CNTN5: variants seen among roughly 807,000 people sequenced by gnomAD.
CNTN5 encodes contactin-5.
In CNTN5, 77 loss-of-function variants were observed where a neutral mutation model predicts 129.1. That is an observed-to-expected ratio of 0.60 (90% CI 0.50 to 0.72). The LOEUF (loss-of-function observed/expected upper bound fraction) is 0.72. Among genes scored for constraint, CNTN5 ranks in the 30% least tolerant of loss-of-function variants. CNTN5 has a pLI of 0.00. For synonymous variants in CNTN5, 509 were observed against 465.6 expected (o/e 1.09, Z -1.20); for missense variants, 1,478 against 1,328.8 (o/e 1.11, Z -1.75).
At chr11:99,309,172 T>C in intron 1 of CNTN5, among the ~76,000 whole-genome samples, 1 of 152,022 alleles carries the variant, frequency 6.6e-6, no homozygotes, top group Admixed American at 6.6e-5. Context: ...TATCAGTCAC[T>C]TTTTCTTTTT....
At chr11:99,515,505 G>A (rs565748291) in intron 2 of CNTN5, among the ~76,000 whole-genome samples, 5 of 152,084 alleles carry the variant, frequency 3.3e-5, no homozygotes, top group East Asian at 1.9e-4. Context: ...TCATGCCTGC[G>A]TTGAGATTCT....
At chr11:99,689,265 C>T (rs924879969) in intron 3 of CNTN5, among the ~76,000 whole-genome samples, 3 of 151,954 alleles carry the variant, frequency 2.0e-5, no homozygotes, top group Non-Finnish European at 4.4e-5. Flanking sequence ...TGGTGGCTCA[C>T]GCCTGTAATC....
intron 20 of CNTN5, among the ~76,000 whole-genome samples, chr11:100,299,892 T>C (rs1951181172): frequency 6.6e-6 from 1 of 151,506 alleles, no homozygotes; most frequent in Non-Finnish European, 1.5e-5. Flanking sequence ...CATTAAATCC[T>C]ATGGAAATCT....
intron 1 of CNTN5, among the ~76,000 whole-genome samples, chr11:99,197,507 C>T (rs1022702608): frequency 6.6e-6 from 1 of 152,016 alleles, no homozygotes; most frequent in African/African-American, 2.4e-5. Context: ...CTCAATAATA[C>T]ATGAAATAAA....
At chr11:100,091,369 T>A (rs1944775040) in intron 13 of CNTN5, among the ~76,000 whole-genome samples, 1 of 151,866 alleles carries the variant, frequency 6.6e-6, no homozygotes, top group Admixed American at 6.6e-5. Context: ...TCTGGTGTTC[T>A]TCAAATCACT....
chr11:100,212,662 C>A (rs1949057756), intron 15 of CNTN5, among the ~76,000 whole-genome samples: 1 of 152,094 alleles, frequency 6.6e-6, no homozygotes, highest in South Asian at 2.1e-4. Context: ...AGGTCTCCAT[C>A]TTCAAAGTTA....
At chr11:99,578,589 G>C (rs1006846583) in intron 3 of CNTN5, among the ~76,000 whole-genome samples, 1 of 149,562 alleles carries the variant, frequency 6.7e-6, no homozygotes, top group Non-Finnish European at 1.5e-5. Flanking sequence ...GTGATCATGA[G>C]CATTTTTTCA....
chr11:99,914,591 A>G (rs184226689), intron 6 of CNTN5, among the ~76,000 whole-genome samples: 3 of 152,252 alleles, frequency 2.0e-5, no homozygotes, highest in African/African-American at 7.2e-5. Flanking sequence ...GTTAGTGTAT[A>G]TATTTTTAAA....
intron 2 of CNTN5, among the ~76,000 whole-genome samples, chr11:99,437,658 T>C (rs1277000467): frequency 6.6e-6 from 1 of 152,076 alleles, no homozygotes; most frequent in Non-Finnish European, 1.5e-5. Context: ...TGAAACCCCA[T>C]CGCTACTAAA....
intron 3 of CNTN5, among the ~76,000 whole-genome samples, chr11:99,610,374 A>G (rs376430316): frequency 2.0e-5 from 3 of 152,124 alleles, no homozygotes. Flanking sequence ...TCAGTCCCAC[A>G]CCAATATTTA....
intron 2 of CNTN5, among the ~76,000 whole-genome samples, chr11:99,511,404 G>T (rs898655662): frequency 1.3e-5 from 2 of 152,050 alleles, no homozygotes; most frequent in African/African-American, 4.8e-5. Flanking sequence ...TGTGGTCTGA[G>T]AGACAGTTTG....
intron 2 of CNTN5, among the ~76,000 whole-genome samples, chr11:99,552,753 C>T (rs991936383): frequency 5.9e-5 from 9 of 151,828 alleles, no homozygotes; most frequent in Non-Finnish European, 1.0e-4. Flanking sequence ...TGCATACGGC[C>T]GTGGGCAAAA....
rs528587636 is a variant in CNTN5 at position 100,048,132 on chromosome 11, C to CA, written c.981-13072dup. Among the ~76,000 whole-genome samples the CA allele has an allele frequency of 7.3e-5, 11 of 151,370 alleles. No homozygotes were observed. In the South Asian group the frequency reaches 8.4e-4, roughly 11 times the overall value. ...GGTGACAGAGCGAGACTCCATCTCT[C>CA]AAAAAAAATAAAAAGAAGGTTGAAT... is the stretch of plus-strand genomic sequence containing the variant. On this transcript the variant is annotated intron_variant, in intron 9 of 24. Coordinates refer to ENST00000524871, the MANE Select transcript of CNTN5 (RefSeq NM_014361.4).
intron 8 of CNTN5, among the ~76,000 whole-genome samples, chr11:99,966,358 G>A (rs1168608936): frequency 2.0e-5 from 3 of 152,160 alleles, no homozygotes; most frequent in African/African-American, 7.2e-5. Flanking sequence ...TATCCCCAGA[G>A]AGCAGGATTA....
chr11:99,366,333 A>T (rs1050326507), intron 2 of CNTN5, among the ~76,000 whole-genome samples: 2 of 152,116 alleles, frequency 1.3e-5, no homozygotes, highest in African/African-American at 4.8e-5. Flanking sequence ...TCATTTGGTT[A>T]TGGATATTAA....
chr11:99,311,200 T>A (rs1565482325), intron 1 of CNTN5, among the ~76,000 whole-genome samples: 1 of 152,190 alleles, frequency 6.6e-6, no homozygotes. Context: ...GTGCTGAGAT[T>A]ACAGGCATGA....
chr11:99,039,879 G>GT (rs1379133284), intron 1 of CNTN5, among the ~76,000 whole-genome samples: 4 of 151,988 alleles, frequency 2.6e-5, no homozygotes, highest in Non-Finnish European at 4.4e-5. Context: ...AATGTCAGAG[G>GT]TTTTTACACT....
intron 21 of CNTN5, among the ~76,000 whole-genome samples, chr11:100,319,224 C>T (rs1409239502): frequency 1.3e-5 from 2 of 150,826 alleles, no homozygotes; most frequent in Non-Finnish European, 2.9e-5. Flanking sequence ...GCAATCTCAG[C>T]TCACTGCAAC....
At chr11:100,004,912 C>T (rs1940097653) in intron 9 of CNTN5, among the ~76,000 whole-genome samples, 1 of 152,138 alleles carries the variant, frequency 6.6e-6, no homozygotes, top group African/African-American at 2.4e-5. Flanking sequence ...TTCTCATCTC[C>T]TCTGGTGGCT....
Sources: allele counts gnomAD v4.1 joint callset (sites outside exome capture counted in the v4.1 genomes callset), GRCh38; gene constraint gnomAD v4.1.1; transcripts MANE v1.5; gene names NCBI Gene and HGNC (gene_info 2026-07-23, HGNC 2026-07-21).